Variants in FRY observed in about 807,000 individuals in gnomAD.
The protein encoded by FRY is FRY microtubule binding protein, also known as protein furry homolog.
FRY carries 128 observed loss-of-function variants against 348.4 expected under a neutral mutation model. That is an observed-to-expected ratio of 0.37 (90% CI 0.32 to 0.43). The LOEUF is 0.43. FRY is among the 20% of genes least tolerant of loss of function. The probability of loss-of-function intolerance (pLI) is 1.00; values close to 1 mark genes in which losing one functional copy is unlikely to be tolerated. For missense variants in FRY, 2,736 were observed against 3,695.2 expected, an observed-to-expected ratio of 0.74 and a Z score of 6.73; for synonymous variants, 1,370 against 1,374.7, an observed-to-expected ratio of 1.00 and a Z score of 0.08.
At chr13:32,039,086 A>G (rs1872655251) in intron 1 of FRY, among the ~76,000 whole-genome samples, 2 of 152,166 alleles carry the variant, frequency 1.3e-5, no homozygotes, top group South Asian at 2.1e-4. Flanking sequence ...TTATTGTGGG[A>G]GAATGTGTTT....
intron 1 of FRY, among the ~76,000 whole-genome samples, chr13:32,073,335 C>T (rs1322339542): frequency 2.0e-5 from 3 of 152,138 alleles, no homozygotes; most frequent in Admixed American, 6.5e-5. Flanking sequence ...CAGATTCTGC[C>T]CGAGCCATGT....
Position 32,225,780 on chromosome 13 carries a change from T to G in FRY, c.5021-9T>G, listed in dbSNP as rs751600010. The G allele has an allele frequency of 4.4e-6, 7 of 1,608,656 alleles. No homozygotes were observed. In the African/African-American group the frequency reaches 9.4e-5, roughly 21 times the overall value. ...TTGTTTATACTTAGATTCTACTGTTTTGTTCCAGGTTTAGACCACTACCGG... is the reference window on the plus strand; with the variant it reads ...TTGTTTATACTTAGATTCTACTGTTGTGTTCCAGGTTTAGACCACTACCGG... On this transcript the variant is annotated splice_polypyrimidine_tract_variant and intron_variant, in intron 38 of 60. Transcript: ENST00000542859.
Position 32,124,698 on chromosome 13 carries a change from C to A in FRY, c.635+17C>A. 6.5e-7 allele frequency: 1 copy of A among 1,532,892 alleles called. No individual in the cohort carries two copies. The allele number at this position is 1,532,892 out of a possible 1,614,324, so 95.0% of individuals were successfully genotyped here. A position where few individuals can be genotyped will look rare whatever the true frequency, so the allele number is the denominator to read the frequency against. ...CAAAGAAGGGTAAGATGATTTCTCACCTTAGAATGTTGAAGTTGGTGTTTA... is the reference window on the plus strand; with the variant it reads ...CAAAGAAGGGTAAGATGATTTCTCAACTTAGAATGTTGAAGTTGGTGTTTA... On this transcript the variant is annotated intron_variant, in intron 6 of 60. Transcript: ENST00000542859.
chr13:32,070,489 G>A (rs7327480), intron 1 of FRY, among the ~76,000 whole-genome samples: 20,287 of 151,268 alleles, frequency 0.13, 3,194 homozygotes, highest in African/African-American at 0.38. Flanking sequence ...ATTTTTTCAC[G>A]TCTGTTGGCC....
chr13:32,133,189 T>A (rs73460701), intron 8 of FRY, among the ~76,000 whole-genome samples: 1 of 152,322 alleles, frequency 6.6e-6, no homozygotes, highest in African/African-American at 2.4e-5. Context: ...GTGAATTGCA[T>A]ACTACATAAA....
intron 59 of FRY, among the ~76,000 whole-genome samples, chr13:32,293,016 G>T (rs1163787412): frequency 2.6e-5 from 4 of 151,976 alleles, no homozygotes; most frequent in Admixed American, 6.6e-5. Context: ...GTTAATTAAG[G>T]TATGTATATT....
In FRY at chr13:32,079,036, G is replaced by A. The variant is rs573441706; in HGVS notation, c.270+3G>A. 14 of 1,604,396 alleles carry A rather than the reference G, an allele frequency of 8.7e-6. No homozygotes were observed. The East Asian group carries it at 2.0e-4, about 23-fold the overall frequency. ...GTATCATTATGGCAGAGCCCCTGGTGAGTACATGCCGTGGAAACTGCCTCT... is the reference window on the plus strand; with the variant it reads ...GTATCATTATGGCAGAGCCCCTGGTAAGTACATGCCGTGGAAACTGCCTCT... On this transcript the variant is annotated splice_donor_region_variant and intron_variant, in intron 2 of 60. Transcript: ENST00000542859.
At position 32,161,301 on chromosome 13, in the gene FRY, A is replaced by T. The variant is rs751837581; in HGVS notation, c.1892+50A>T. 30 of 1,075,830 alleles carry T rather than the reference A, an allele frequency of 2.8e-5. No homozygotes were observed. The Admixed American group carries it at 4.9e-4, about 18-fold the overall frequency. The allele number at this position is 1,075,830 out of a possible 1,614,324, so 66.6% of individuals were successfully genotyped here. A position where few individuals can be genotyped will look rare whatever the true frequency, so the allele number is the denominator to read the frequency against. Reference sequence around the variant, plus strand: ...AAATTAATTTCGATCCTTTGTTGTGACTCCTGAAAAAAAAATAGAATGGTA... The same window carrying T: ...AAATTAATTTCGATCCTTTGTTGTGTCTCCTGAAAAAAAAATAGAATGGTA... On this transcript the variant is annotated intron_variant, in intron 17 of 60. Transcript: ENST00000542859.
At chr13:32,227,753 T>G (rs1053021544) in intron 39 of FRY, among the ~76,000 whole-genome samples, 4 of 142,296 alleles carry the variant, frequency 2.8e-5, no homozygotes, top group African/African-American at 5.0e-5. Flanking sequence ...TTCACATGGT[T>G]TTTTTTTTTT....
intron 55 of FRY, among the ~76,000 whole-genome samples, chr13:32,273,686 A>C (rs1888336113): frequency 2.0e-5 from 3 of 152,176 alleles, no homozygotes; most frequent in South Asian, 4.1e-4. Flanking sequence ...TCAGAGGCTC[A>C]AATGCACAGT....
chr13:32,059,967 C>CT (rs897172649), intron 1 of FRY, among the ~76,000 whole-genome samples: 21 of 152,336 alleles, frequency 1.4e-4, no homozygotes, highest in Admixed American at 2.6e-4. Flanking sequence ...AGCAGAATCA[C>CT]TTTAAGTGTT....
At chr13:32,074,555 A>G (rs1274907022) in intron 1 of FRY, among the ~76,000 whole-genome samples, 2 of 152,240 alleles carry the variant, frequency 1.3e-5, no homozygotes, top group Non-Finnish European at 2.9e-5. Context: ...GAATAAAGGC[A>G]GATGGAGTTG....
rs191372831 is a variant in FRY, at chr13:32,070,979, C to T, written c.71-7855C>T. 2.5e-3 allele frequency among the ~76,000 whole-genome samples: 388 copies of T among 152,282 alleles called. 3 individuals carry two copies. The highest frequency in any genetic ancestry group is 8.8e-3 in the African/African-American group (364 of 41,548). On this transcript the variant is annotated intron_variant, in intron 1 of 60. Coordinates refer to ENST00000542859, the MANE Select transcript of FRY (RefSeq NM_023037.3). ...TTTATTAAATAGGGAATCCTTTCCC[C>T]ATTTCTTGTTTTTGTCAGGTTTGTC...
At chr13:32,210,173 AG>A (rs1220280642) in intron 33 of FRY, among the ~76,000 whole-genome samples, 1 of 152,258 alleles carries the variant, frequency 6.6e-6, no homozygotes, top group Non-Finnish European at 1.5e-5. Context: ...GTGGTAGAAG[AG>A]AGAAGTAAGC....
At chr13:32,089,177 A>G (rs1052419642) in intron 2 of FRY, among the ~76,000 whole-genome samples, 12 of 152,230 alleles carry the variant, frequency 7.9e-5, no homozygotes, top group Admixed American at 3.3e-4. Flanking sequence ...TAGCAATTTT[A>G]ACCGGCACAA....
In FRY at chr13:32,298,343, G is replaced by C. The variant is rs2138675417; in HGVS notation, c.*2883G>C. On this transcript the variant is annotated 3_prime_UTR_variant, in exon 61 of 61. Coordinates refer to ENST00000542859, the MANE Select transcript of FRY (RefSeq NM_023037.3). Reference sequence around the variant, plus strand: ...AATTCGTGTCCATAGGTGAGTATTAGGGTATGTTCATTGTATCTCAATGAA... The same window carrying C: ...AATTCGTGTCCATAGGTGAGTATTACGGTATGTTCATTGTATCTCAATGAA... The C allele has an allele frequency of 6.6e-6, 1 of 152,308 alleles. No homozygotes were observed. Among genetic ancestry groups the C allele is most frequent in the Non-Finnish European group, 1.5e-5 (1 of 68,018 alleles). 9.4% of individuals were successfully genotyped at this position (152,308 alleles called of 1,614,324 possible).
chr13:32,193,553 T>C (rs1257801150), intron 28 of FRY, among the ~76,000 whole-genome samples: 1 of 150,156 alleles, frequency 6.7e-6, no homozygotes, highest in Non-Finnish European at 1.5e-5. Flanking sequence ...TTCAGAAATA[T>C]TTTAAATGCA....
chr13:32,226,351 G>T (rs1885582031), intron 39 of FRY, among the ~76,000 whole-genome samples: 2 of 152,088 alleles, frequency 1.3e-5, no homozygotes, highest in African/African-American at 4.8e-5. Flanking sequence ...CACAGCCAAG[G>T]TGCCGGATGT....
chr13:32,099,064 G>T (rs1404796674), intron 2 of FRY, among the ~76,000 whole-genome samples: 1 of 151,880 alleles, frequency 6.6e-6, no homozygotes, highest in East Asian at 1.9e-4. Context: ...TTTGTGAGTG[G>T]AGGAGAGGAT....
Sources: allele counts gnomAD v4.1 joint callset (sites outside exome capture counted in the v4.1 genomes callset), GRCh38; gene constraint gnomAD v4.1.1; transcripts MANE v1.5; gene names NCBI Gene and HGNC (gene_info 2026-07-23, HGNC 2026-07-21).